Variants in STAMBPL1 observed in about 807,000 individuals in gnomAD.
STAMBPL1 encodes STAM binding protein like 1, also known as AMSH-like protease.
A neutral mutation model predicts 52.9 loss-of-function variants in STAMBPL1; 44 were observed. The ratio of observed to expected loss-of-function variants is 0.83; its 90% CI spans 0.65 to 1.07. STAMBPL1 has a LOEUF of 1.07. STAMBPL1 is among the 50% of genes least tolerant of loss of function. The pLI is 0.00. For missense variants in STAMBPL1, 511 were observed against 520.8 expected (o/e 0.98, Z 0.18); for synonymous variants, 164 against 177.3 (o/e 0.92, Z 0.60).
At chr10:88,913,489 C>T (rs1589375015) in intron 6 of STAMBPL1, 31 bp downstream of exon 6, 1 of 1,561,360 alleles carries the variant, frequency 6.4e-7, no homozygotes, top group East Asian at 2.2e-5. Flanking sequence ...ATGTGAGACA[C>T]TGAGCCTCAT....
chr10:88,892,290 T>C (rs1844705319), intron 1 of STAMBPL1, among the ~76,000 whole-genome samples: 1 of 152,032 alleles, frequency 6.6e-6, no homozygotes, highest in Non-Finnish European at 1.5e-5. Flanking sequence ...TTCCCAGAAA[T>C]TTTGACTCAG....
chr10:88,922,792 G>T (rs1207435265), intron 10 of STAMBPL1, among the ~76,000 whole-genome samples: 1 of 151,888 alleles, frequency 6.6e-6, no homozygotes, highest in Non-Finnish European at 1.5e-5. Context: ...GCTTGATATG[G>T]CCAAATTAGT....
intron 1 of STAMBPL1, among the ~76,000 whole-genome samples, chr10:88,894,328 A>G (rs1844759438): frequency 6.6e-6 from 1 of 152,130 alleles, no homozygotes; most frequent in Non-Finnish European, 1.5e-5. Flanking sequence ...TTAGCCAGGG[A>G]ACGAAAGCAT....
intron 1 of STAMBPL1, among the ~76,000 whole-genome samples, chr10:88,899,165 T>C (rs986164575): frequency 6.6e-6 from 1 of 152,216 alleles, no homozygotes; most frequent in African/African-American, 2.4e-5. Context: ...AGTTTGTGTT[T>C]TTTTTCATTA....
chr10:88,910,993 A>C lies in STAMBPL1; in HGVS notation c.402A>C (p.Gln134His). Residue 134 changes from glutamine to histidine, a missense_variant, in exon 5 of 11, where the codon CAA becomes CAC. Gln to His is a conservative substitution (Grantham distance 24, BLOSUM62 0). Around this residue, in one of 3 missense-constraint regions of STAMBPL1, gnomAD observed 358 missense variants for 343.5 expected, o/e 1.04. Transcript: ENST00000371926. Reference sequence around the variant, plus strand: ...TAAAGAAATATAACGTAGAATACCAAGAATATTTGCAAAGCAAAGTAAGTT... The same window carrying C: ...TAAAGAAATATAACGTAGAATACCACGAATATTTGCAAAGCAAAGTAAGTT... ...DLLKKYNVEY[Q>H]EYLQSKNKYK... 1 of 1,590,414 alleles carries C rather than the reference A, an allele frequency of 6.3e-7. No individual in the cohort carries two copies. The highest frequency in any genetic ancestry group is 8.5e-7 in the Non-Finnish European group (1 of 1,171,104).
At position 88,913,330 on chromosome 10, in the gene STAMBPL1, A is replaced by G; in HGVS notation, c.650A>G (p.His217Arg). The G allele has an allele frequency of 6.2e-7, 1 of 1,613,850 alleles. No homozygotes were observed. The highest frequency in any genetic ancestry group is 8.5e-7 in the Non-Finnish European group (1 of 1,179,824). The change falls in exon 6 of 11, where the codon CAC (histidine) becomes CGC (arginine). Residue 217 changes from histidine (H) to arginine (R), a missense_variant. Physicochemically the swap from His to Arg is conservative, Grantham distance 29 (BLOSUM62 0). Coordinates refer to ENST00000371926, the MANE Select transcript of STAMBPL1 (RefSeq NM_020799.4). ...AGCGCTTTGTCCTGCTTTTCCACAC[A>G]CCAGAACAATTCCTTGCTGAATGTA... is the stretch of plus-strand genomic sequence containing the variant. ...DGSALSCFST[H>R]QNNSLLNVFA...
chr10:88,900,799 C>T (rs1246233700), intron 1 of STAMBPL1, among the ~76,000 whole-genome samples: 1 of 152,234 alleles, frequency 6.6e-6, no homozygotes, highest in African/African-American at 2.4e-5. Flanking sequence ...CACAGCTTAT[C>T]TAGATCCTCT....
At chr10:88,911,993 G>C (rs10887866) in intron 5 of STAMBPL1, among the ~76,000 whole-genome samples, 4 of 152,100 alleles carry the variant, frequency 2.6e-5, no homozygotes, top group African/African-American at 9.7e-5. Context: ...GGAGGAACAG[G>C]CTCTGCAGCT....
intron 2 of STAMBPL1, among the ~76,000 whole-genome samples, chr10:88,904,284 A>G (rs1234720710): frequency 6.6e-6 from 1 of 152,230 alleles, no homozygotes; most frequent in Non-Finnish European, 1.5e-5. Context: ...CTCTGGAAAG[A>G]TGGATTAAAA....
intron 7 of STAMBPL1, among the ~76,000 whole-genome samples, chr10:88,915,297 C>T (rs1845341137): frequency 2.0e-5 from 3 of 152,100 alleles, no homozygotes; most frequent in Non-Finnish European, 2.9e-5. Flanking sequence ...GTTTTGAGTA[C>T]CAGTTTATAT....
chr10:88,922,079 C>T (rs1051782494), intron 9 of STAMBPL1, among the ~76,000 whole-genome samples: 1 of 152,086 alleles, frequency 6.6e-6, no homozygotes, highest in Admixed American at 6.6e-5. Context: ...TTGGCCTTTC[C>T]TCTGGGGTCA....
Position 88,916,691 on chromosome 10 carries a change from A to G in STAMBPL1, c.915A>G (p.Glu305=). ...CTATTGTTTTTTAGACACATAATGA[A>G]TTTACTATTACCCATGTAATTGTGC... ...GILCGKLTHN[E]FTITHVIVPK... Residue 305 remains glutamate, a synonymous_variant, in exon 8 of 11, where the codon GAA becomes GAG. Transcript: ENST00000371926. 1 of 1,600,528 alleles carries G rather than the reference A, an allele frequency of 6.2e-7. No individual in the cohort carries two copies. Among genetic ancestry groups the G allele is most frequent in the South Asian group, 1.1e-5 (1 of 88,036 alleles).
chr10:88,914,518 CTTTT>C lies in STAMBPL1; in HGVS notation c.779-13_779-10del. The C allele has an allele frequency of 2.0e-6, 3 of 1,478,698 alleles. No individual in the cohort carries two copies. Among genetic ancestry groups the C allele is most frequent in the Non-Finnish European group, 2.7e-6 (3 of 1,111,830 alleles). 91.6% of individuals were successfully genotyped at this position (1,478,698 alleles called of 1,614,324 possible). ...TAGTTTGTTTTTTAGCCTTTTCTCC[CTTTT>C]TTGTTTCTTAGATTTAGTGGTTGAA... On this transcript the variant is annotated splice_polypyrimidine_tract_variant and intron_variant, in intron 6 of 10. Coordinates refer to ENST00000371926, the MANE Select transcript of STAMBPL1 (RefSeq NM_020799.4).
At chr10:88,921,502 C>T (rs190178656) in intron 9 of STAMBPL1, 107 bp downstream of exon 9, 60 of 820,396 alleles carry the variant, frequency 7.3e-5, no homozygotes, top group African/African-American at 6.6e-4. Context: ...AAGCACACAA[C>T]GCCCTCGGGA....
At position 88,900,343 on chromosome 10, in the gene STAMBPL1, G is replaced by T. The variant is rs552320229; in HGVS notation, c.-53-1313G>T. 5.9e-5 allele frequency among the ~76,000 whole-genome samples: 9 copies of T among 152,274 alleles called. No individual in the cohort carries two copies. The South Asian group carries it at 1.9e-3, about 32-fold the overall frequency. On this transcript the variant is annotated intron_variant, in intron 1 of 10. Transcript: ENST00000371926. Reference sequence around the variant, plus strand: ...CAAAGTCATCTAAGTGATGAATGGGGTATAAAGGACAAAATAAATTTAGAA... The same window carrying T: ...CAAAGTCATCTAAGTGATGAATGGGTTATAAAGGACAAAATAAATTTAGAA...
rs200055658 is a variant in STAMBPL1, at chr10:88,913,229, A to G, written c.549A>G (p.Gln183=). 8 of 1,613,880 alleles carry G rather than the reference A, an allele frequency of 5.0e-6. No individual in the cohort carries two copies. The East Asian group carries it at 1.8e-4, about 36-fold the overall frequency. The change falls in exon 6 of 11, where the codon CAA becomes CAG. Residue 183 remains glutamine (Q), a synonymous_variant. Transcript: ENST00000371926. ...ESEQFLFFED[Q]LKKQELARGQ... ...AGCAGTTTCTGTTTTTCGAAGATCA[A>G]CTCAAGAAGCAAGAGTTAGCCCGAG...
chr10:88,915,124 A>G (rs1210726223), intron 7 of STAMBPL1, among the ~76,000 whole-genome samples: 2 of 152,192 alleles, frequency 1.3e-5, no homozygotes, highest in Non-Finnish European at 2.9e-5. Context: ...AGTAGTTTCA[A>G]CAAAAGCCTA....
Position 88,921,351 on chromosome 10 carries a change from G to T in STAMBPL1, c.1110G>T (p.Met370Ile), listed in dbSNP as rs1845506732. 1.9e-6 allele frequency: 3 copies of T among 1,613,274 alleles called. No individual in the cohort carries two copies. The highest frequency in any genetic ancestry group is 1.7e-5 in the Admixed American group (1 of 59,932). ...DLHTHCSYQL[M>I]LPEAIAIVCS... Reference sequence around the variant, plus strand: ...ACACTCACTGTTCCTATCAACTCATGTTGCCAGAGGCCATTGCCATTGTTT... The same window carrying T: ...ACACTCACTGTTCCTATCAACTCATTTTGCCAGAGGCCATTGCCATTGTTT... The change falls in exon 9 of 11, where the codon ATG becomes ATT. Residue 370 changes from methionine (M) to isoleucine (I), a missense_variant. Met to Ile is a conservative substitution (Grantham distance 10). Transcript: ENST00000371926.
rs529841750 is a variant in STAMBPL1, at chr10:88,916,843, T to A, written c.1041+26T>A. On this transcript the variant is annotated intron_variant, in intron 8 of 10. Transcript: ENST00000371926. The stretch of plus-strand genomic sequence containing the variant: ...GTACGTTTGACCTTTTGGGTTTCAG[T>A]TTTTTTGTGTGTGTGGCATGCTATT... 4.2e-5 allele frequency: 61 copies of A among 1,458,102 alleles called. No homozygotes were observed. The South Asian group carries it at 8.2e-4, about 20-fold the overall frequency. The allele number at this position is 1,458,102 out of a possible 1,614,324, so 90.3% of individuals were successfully genotyped here.
Sources: allele counts gnomAD v4.1 joint callset (sites outside exome capture counted in the v4.1 genomes callset), GRCh38; gene constraint gnomAD v4.1.1; regional missense constraint gnomAD v4.1.1; transcripts MANE v1.5; gene names NCBI Gene and HGNC (gene_info 2026-07-23, HGNC 2026-07-21).